IGFBP2: variants seen among roughly 807,000 people sequenced by gnomAD.
IGFBP2 encodes the protein insulin-like growth factor-binding protein 2.
A neutral mutation model predicts 26.2 loss-of-function variants in IGFBP2; 12 were observed. The observed-to-expected ratio is 0.46, with a 90% confidence interval of 0.29 to 0.74. IGFBP2 has a LOEUF of 0.74. Among genes scored for constraint, IGFBP2 ranks in the 30% least tolerant of loss-of-function variants. The pLI, the probability that IGFBP2 is intolerant of heterozygous loss-of-function variation, is 0.09. For missense variants in IGFBP2, 328 were observed against 441.2 expected, an observed-to-expected ratio of 0.74 and a Z score of 2.30; for synonymous variants, 189 against 200.6, an observed-to-expected ratio of 0.94 and a Z score of 0.49.
Position 216,657,536 on chromosome 2 carries a change from G to A in IGFBP2, c.443-3021G>A, listed in dbSNP as rs949191181. Among the ~76,000 whole-genome samples the A allele has an allele frequency of 3.3e-5, 5 of 152,280 alleles. No individual in the cohort carries two copies. In the East Asian group the frequency reaches 5.8e-4, roughly 18 times the overall value. ...CTGCCGCACGGTGGGGTGACTCAGC[G>A]TCCCTGTTCTTGGGAACCTGGCAGG... On this transcript the variant is annotated intron_variant, in intron 1 of 3. Coordinates refer to ENST00000233809, the MANE Select transcript of IGFBP2 (RefSeq NM_000597.3).
At chr2:216,642,706 G>C (rs1277206851) in intron 1 of IGFBP2, among the ~76,000 whole-genome samples, 2 of 152,220 alleles carry the variant, frequency 1.3e-5, no homozygotes, top group Non-Finnish European at 2.9e-5. Context: ...TCTGTCTGCA[G>C]TGTCTAGAAT....
chr2:216,653,102 T>C (rs1364738833), intron 1 of IGFBP2, among the ~76,000 whole-genome samples: 1 of 152,196 alleles, frequency 6.6e-6, no homozygotes, highest in Non-Finnish European at 1.5e-5. Flanking sequence ...AAAGGTCTTA[T>C]TTCCTCACCA....
chr2:216,644,629 G>A (rs374781655), intron 1 of IGFBP2, among the ~76,000 whole-genome samples: 10 of 152,324 alleles, frequency 6.6e-5, no homozygotes, highest in African/African-American at 2.4e-4. Context: ...ACTAAGCAAA[G>A]GGAGCCACCT....
intron 1 of IGFBP2, among the ~76,000 whole-genome samples, chr2:216,647,901 A>G (rs1574559781): frequency 6.6e-6 from 1 of 151,554 alleles, no homozygotes; most frequent in African/African-American, 2.4e-5. Flanking sequence ...GCTCACTGCA[A>G]CCTCCACCTC....
rs1688624150 is a variant in IGFBP2 at position 216,660,813 on chromosome 2, G to A, written c.672+27G>A. The A allele has an allele frequency of 2.6e-6, 4 of 1,533,340 alleles. No individual in the cohort carries two copies. In the Admixed American group the frequency reaches 5.8e-5, roughly 22 times the overall value. The allele number at this position is 1,533,340 out of a possible 1,614,324, so 95.0% of individuals were successfully genotyped here. Reference sequence around the variant, plus strand: ...TCAGTGAGGGTCAGGTCTGGTGGAAGGGGTGGGAGGACAAGGAAAGTGGGG... The same window carrying A: ...TCAGTGAGGGTCAGGTCTGGTGGAAAGGGTGGGAGGACAAGGAAAGTGGGG... On this transcript the variant is annotated intron_variant, in intron 2 of 3. Transcript: ENST00000233809.
rs192109603 is a variant in IGFBP2, at chr2:216,638,997, G to A, written c.442+5032G>A. Among the ~76,000 whole-genome samples the A allele has an allele frequency of 2.5e-3, 367 of 148,276 alleles. 3 individuals carry two copies. Among genetic ancestry groups the A allele is most frequent in the African/African-American group, 8.3e-3 (332 of 39,962 alleles). On this transcript the variant is annotated intron_variant, in intron 1 of 3. Coordinates refer to ENST00000233809, the MANE Select transcript of IGFBP2 (RefSeq NM_000597.3). ...ATTACAGGCATGAGCCACGGTGCCC[G>A]ACCAGGCTAATTTTTTTTTTTTTTT...
chr2:216,645,118 G>T (rs75773883), intron 1 of IGFBP2, among the ~76,000 whole-genome samples: 43 of 152,304 alleles, frequency 2.8e-4, no homozygotes, highest in Non-Finnish European at 5.1e-4. Context: ...CCGAGGCCAA[G>T]AACAAAATGA....
Position 216,633,496 on chromosome 2 carries a change from CCGCCG to C in IGFBP2, c.-19_-15del. The C allele has an allele frequency of 1.5e-6, 1 of 655,278 alleles. No individual in the cohort carries two copies. Among genetic ancestry groups the C allele is most frequent in the Non-Finnish European group, 1.9e-6 (1 of 525,882 alleles). 40.6% of individuals were successfully genotyped at this position (655,278 alleles called of 1,614,324 possible). ...CCCGCCCGCCCGCTCGCTCGCTCGC[CCGCCG>C]CGCCGCGCTGCCGACCGCCAGCATG... On this transcript the variant is annotated 5_prime_UTR_variant, in exon 1 of 4. Coordinates refer to ENST00000233809, the MANE Select transcript of IGFBP2 (RefSeq NM_000597.3).
At position 216,637,328 on chromosome 2, in the gene IGFBP2, G is replaced by A. The variant is rs536213739; in HGVS notation, c.442+3363G>A. Among the ~76,000 whole-genome samples the A allele has an allele frequency of 3.3e-5, 5 of 152,308 alleles. No individual in the cohort carries two copies. The South Asian group carries it at 1.0e-3, about 32-fold the overall frequency. ...CTGTCTAGGAGACCAAGCAGGGTGTGGCAGTGTGCACCCTGGCCTCGGAGG... is the reference window on the plus strand; with the variant it reads ...CTGTCTAGGAGACCAAGCAGGGTGTAGCAGTGTGCACCCTGGCCTCGGAGG... On this transcript the variant is annotated intron_variant, in intron 1 of 3. Coordinates refer to ENST00000233809, the MANE Select transcript of IGFBP2 (RefSeq NM_000597.3).
chr2:216,660,817 T>G, intron 2 of IGFBP2, 31 bp downstream of exon 2: 3 of 1,526,490 alleles, frequency 2.0e-6, no homozygotes, highest in Non-Finnish European at 1.8e-6. Context: ...GTGGAAGGGG[T>G]GGGAGGACAA....
At position 216,657,471 on chromosome 2, in the gene IGFBP2, C is replaced by A. The variant is rs541416855; in HGVS notation, c.443-3086C>A. Among the ~76,000 whole-genome samples, 16 of 152,258 alleles carry A rather than the reference C, an allele frequency of 1.1e-4. No individual in the cohort carries two copies. The East Asian group carries it at 3.1e-3, about 29-fold the overall frequency. ...GGTCCATCTGAAGAGGGAAGGGGGG[C>A]TCTTCTAGGAGGGTGTGGACCTGGT... On this transcript the variant is annotated intron_variant, in intron 1 of 3. Transcript: ENST00000233809.
At chr2:216,644,690 A>G (rs1278025361) in intron 1 of IGFBP2, among the ~76,000 whole-genome samples, 1 of 152,160 alleles carries the variant, frequency 6.6e-6, no homozygotes, top group Non-Finnish European at 1.5e-5. Context: ...TGTTCTAGAC[A>G]TTGCCTGCTT....
intron 1 of IGFBP2, among the ~76,000 whole-genome samples, chr2:216,649,010 T>C (rs1292337939): frequency 2.0e-5 from 3 of 152,226 alleles, no homozygotes; most frequent in Non-Finnish European, 4.4e-5. Context: ...CGGTTGATAT[T>C]TTGTCCACTA....
At position 216,633,827 on chromosome 2, in the gene IGFBP2, A is replaced by G; in HGVS notation, c.304A>G (p.Thr102Ala). ...GGAGGGCGAGGCGTGCGGCGTCTAC[A>G]CCCCGCGCTGCGGCCAGGGGCTGCG... ...RLEGEACGVYTPRCGQGLRCY... is the reference protein window; with the variant it reads ...RLEGEACGVYAPRCGQGLRCY... The change falls in exon 1 of 4, where the codon ACC becomes GCC. Residue 102 changes from threonine (T) to alanine (A), a missense_variant. Thr to Ala is a moderately conservative substitution (Grantham distance 58). Coordinates refer to ENST00000233809, the MANE Select transcript of IGFBP2 (RefSeq NM_000597.3). 1.3e-6 allele frequency: 2 copies of G among 1,534,202 alleles called. No individual in the cohort carries two copies. Among genetic ancestry groups the G allele is most frequent in the Non-Finnish European group, 1.7e-6 (2 of 1,146,238 alleles).
intron 1 of IGFBP2, among the ~76,000 whole-genome samples, chr2:216,643,227 A>C (rs1316751633): frequency 6.6e-6 from 1 of 152,200 alleles, no homozygotes; most frequent in African/African-American, 2.4e-5. Flanking sequence ...CATTGTCTCC[A>C]GAGTTTACTC....
intron 1 of IGFBP2, among the ~76,000 whole-genome samples, chr2:216,645,094 G>C (rs952593378): frequency 6.6e-6 from 1 of 152,180 alleles, no homozygotes; most frequent in African/African-American, 2.4e-5. Flanking sequence ...TGGTGAACTT[G>C]TTTTCTAAAA....
chr2:216,656,827 C>T (rs990763334), intron 1 of IGFBP2, among the ~76,000 whole-genome samples: 2 of 152,202 alleles, frequency 1.3e-5, no homozygotes, highest in Admixed American at 6.5e-5. Flanking sequence ...ACTTCATGTC[C>T]ACAGATTGGA....
intron 1 of IGFBP2, among the ~76,000 whole-genome samples, chr2:216,656,132 T>A (rs2106202931): frequency 6.6e-6 from 1 of 152,318 alleles, no homozygotes; most frequent in Non-Finnish European, 1.5e-5. Context: ...CTCTCCTTTT[T>A]CAAATGTGTT....
intron 3 of IGFBP2, 131 bp from the exon 4 acceptor site, chr2:216,663,809 G>T (rs970618946): frequency 1.3e-4 from 108 of 840,500 alleles, no homozygotes; most frequent in Non-Finnish European, 1.9e-4. Flanking sequence ...GCGCATATTT[G>T]AAGTTGCGAA....
Sources: allele counts gnomAD v4.1 joint callset (sites outside exome capture counted in the v4.1 genomes callset), GRCh38; gene constraint gnomAD v4.1.1; transcripts MANE v1.5; gene names NCBI Gene and HGNC (gene_info 2026-07-23, HGNC 2026-07-21).